Variants in SHISA6 observed in about 807,000 individuals in gnomAD.
SHISA6 encodes shisa family member 6, also known as protein shisa-6.
In SHISA6, 22 loss-of-function variants were observed where a neutral mutation model predicts 47.9. The ratio of observed to expected loss-of-function variants is 0.46; its 90% CI spans 0.33 to 0.66. The LOEUF is 0.66. Among genes scored for constraint, SHISA6 ranks in the 30% least tolerant of loss-of-function variants. SHISA6 has a pLI of 0.02. For synonymous variants in SHISA6, 388 were observed against 337.8 expected, an observed-to-expected ratio of 1.15 and a Z score of -1.63; for missense variants, 680 against 764.6, an observed-to-expected ratio of 0.89 and a Z score of 1.30.
chr17:11,464,878 G>T (rs995390773), intron 3 of SHISA6, among the ~76,000 whole-genome samples: 1 of 151,268 alleles, frequency 6.6e-6, no homozygotes, highest in African/African-American at 2.4e-5. Flanking sequence ...GGAGGCAGAG[G>T]TTGCAGTGAG....
intron 3 of SHISA6, among the ~76,000 whole-genome samples, chr17:11,451,050 T>C (rs1915385601): frequency 1.3e-5 from 2 of 149,822 alleles, no homozygotes; most frequent in African/African-American, 2.5e-5. Flanking sequence ...AGGCTCACTA[T>C]GTGTGACAAG....
intron 3 of SHISA6, among the ~76,000 whole-genome samples, chr17:11,397,502 C>A (rs1913613260): frequency 6.6e-6 from 1 of 151,366 alleles, no homozygotes; most frequent in Non-Finnish European, 1.5e-5. Flanking sequence ...TATCTTCCAA[C>A]AGATTGCTCA....
At chr17:11,307,363 C>T (rs113805910) in intron 2 of SHISA6, among the ~76,000 whole-genome samples, 54 of 152,250 alleles carry the variant, frequency 3.5e-4, no homozygotes, top group African/African-American at 1.3e-3. Context: ...AGGTTTCTTC[C>T]ATATTGTTCG....
In SHISA6 at chr17:11,480,426, C is replaced by G. The variant is rs72809005; in HGVS notation, c.896-71470C>G. ...GTGAATGAATGAATAAAATGGAAATCTGAAGAATGAGTAGGTATTATCCAG... is the reference window on the plus strand; with the variant it reads ...GTGAATGAATGAATAAAATGGAAATGTGAAGAATGAGTAGGTATTATCCAG... On this transcript the variant is annotated intron_variant, in intron 3 of 5. Coordinates refer to ENST00000441885, the MANE Select transcript of SHISA6 (RefSeq NM_207386.4). Among the ~76,000 whole-genome samples, 1,340 of 152,166 alleles carry G rather than the reference C, an allele frequency of 8.8e-3. 14 individuals are homozygous for G. The highest frequency in any genetic ancestry group is 0.024 in the Middle Eastern group (7 of 294).
intron 2 of SHISA6, among the ~76,000 whole-genome samples, chr17:11,372,178 A>G (rs1312358611): frequency 6.6e-6 from 1 of 152,174 alleles, no homozygotes; most frequent in African/African-American, 2.4e-5. Context: ...TGGATGTTGG[A>G]TTCCAGTTTA....
At chr17:11,285,930 G>A (rs1417619659) in intron 2 of SHISA6, among the ~76,000 whole-genome samples, 1 of 151,634 alleles carries the variant, frequency 6.6e-6, no homozygotes, top group Non-Finnish European at 1.5e-5. Flanking sequence ...TCAGTCTCGT[G>A]GGTTCAAGCG....
intron 3 of SHISA6, among the ~76,000 whole-genome samples, chr17:11,425,265 C>T (rs1914579991): frequency 6.6e-6 from 1 of 151,496 alleles, no homozygotes; most frequent in Admixed American, 6.6e-5. Flanking sequence ...GGTTTGTTTC[C>T]AACCCTTGTA....
chr17:11,376,016 G>A (rs897501719), intron 2 of SHISA6, among the ~76,000 whole-genome samples: 1 of 152,098 alleles, frequency 6.6e-6, no homozygotes, highest in Non-Finnish European at 1.5e-5. Context: ...TATGCTTCAC[G>A]GAACTTTGGC....
At chr17:11,283,583 C>G (rs761134613) in intron 2 of SHISA6, among the ~76,000 whole-genome samples, 4 of 152,202 alleles carry the variant, frequency 2.6e-5, no homozygotes, top group Non-Finnish European at 4.4e-5. Context: ...AAGCCAATTA[C>G]ATTAAAGTGG....
intron 1 of SHISA6, among the ~76,000 whole-genome samples, chr17:11,261,745 G>C (rs993175329): frequency 4.6e-5 from 7 of 152,276 alleles, no homozygotes; most frequent in Admixed American, 6.5e-5. Context: ...CCCTTTGGCT[G>C]TTATTAATAC....
At chr17:11,342,686 A>T (rs1479807456) in intron 2 of SHISA6, among the ~76,000 whole-genome samples, 2 of 152,208 alleles carry the variant, frequency 1.3e-5, no homozygotes, top group Admixed American at 6.5e-5. Flanking sequence ...ATAGCAAGAG[A>T]TATATTCACT....
At chr17:11,468,005 A>G (rs1915852154) in intron 3 of SHISA6, among the ~76,000 whole-genome samples, 1 of 152,128 alleles carries the variant, frequency 6.6e-6, no homozygotes, top group Non-Finnish European at 1.5e-5. Flanking sequence ...AAAAAATTTC[A>G]AAGCTGGAAG....
At chr17:11,444,586 C>T (rs889859177) in intron 3 of SHISA6, among the ~76,000 whole-genome samples, 2 of 152,024 alleles carry the variant, frequency 1.3e-5, no homozygotes, top group East Asian at 1.9e-4. Context: ...AAACAAAATA[C>T]AAAAATGAAA....
chr17:11,532,050 G>A (rs2071738328), intron 3 of SHISA6, among the ~76,000 whole-genome samples: 1 of 152,196 alleles, frequency 6.6e-6, no homozygotes, highest in Non-Finnish European at 1.5e-5. Context: ...GGAGATGTGA[G>A]AAGAAATTCA....
intron 4 of SHISA6, 62 bp downstream of exon 4, chr17:11,552,014 A>G (rs1286994279): frequency 6.7e-7 from 1 of 1,491,870 alleles, no homozygotes; most frequent in African/African-American, 1.4e-5. Flanking sequence ...CATTCTAAGG[A>G]TGGATGCCTA....
intron 1 of SHISA6, among the ~76,000 whole-genome samples, chr17:11,254,728 C>G (rs1907946766): frequency 6.6e-6 from 1 of 152,208 alleles, no homozygotes; most frequent in African/African-American, 2.4e-5. Flanking sequence ...TGGAGTAACT[C>G]AGAAGGAGTG....
Position 11,330,176 on chromosome 17 carries a change from G to A in SHISA6, c.800-49238G>A, listed in dbSNP as rs144432042. On this transcript the variant is annotated intron_variant, in intron 2 of 5. Transcript: ENST00000441885. ...TGGTTGACCTGTCTTGGATTGGCTCGTATCTGAACCGGTTTCAGTGGGATG... is the reference window on the plus strand; with the variant it reads ...TGGTTGACCTGTCTTGGATTGGCTCATATCTGAACCGGTTTCAGTGGGATG... 9.0e-4 allele frequency among the ~76,000 whole-genome samples: 137 copies of A among 152,144 alleles called. 1 individual carries two copies. Among genetic ancestry groups the A allele is most frequent in the African/African-American group, 2.8e-3 (116 of 41,510 alleles).
intron 3 of SHISA6, among the ~76,000 whole-genome samples, chr17:11,505,153 T>C (rs2071488420): frequency 6.6e-6 from 1 of 152,228 alleles, no homozygotes. Flanking sequence ...TTCCAGTACT[T>C]TTAGAAAGTC....
chr17:11,555,919 G>T, intron 5 of SHISA6, 27 bp downstream of exon 5: 2 of 1,503,082 alleles, frequency 1.3e-6, no homozygotes, highest in African/African-American at 1.4e-5. Context: ...CCAAGTTGGG[G>T]TCTGTCTCTG....
Sources: gnomAD v4.1 joint callset for allele counts (sites outside exome capture counted in the v4.1 genomes callset) on GRCh38, gnomAD v4.1.1 for gene constraint, MANE v1.5 for transcripts, NCBI Gene and HGNC (gene_info 2026-07-23, HGNC 2026-07-21) for gene names.